Variants in TTN observed in about 807,000 individuals in gnomAD.
The protein encoded by TTN is titin.
Under a neutral mutation model 3,223.0 loss-of-function variants are expected in TTN, and 1,525 were observed. The ratio of observed to expected loss-of-function variants is 0.47; its 90% CI spans 0.45 to 0.49. TTN has a LOEUF of 0.49. Ranked by LOEUF, TTN falls within the 20% of genes least tolerant of loss-of-function variation. The pLI, the probability that TTN is intolerant of heterozygous loss-of-function variation, is 0.00. For missense variants in TTN, 40,786 were observed against 43,424.0 expected (o/e 0.94, Z 5.40); for synonymous variants, 14,094 against 15,161.0 (o/e 0.93, Z 5.17).
chr2:178,699,051 T>C (rs957174742), intron 111 of TTN, 137 bp from the exon 112 acceptor site: 5 of 936,838 alleles, frequency 5.3e-6, no homozygotes, highest in African/African-American at 3.4e-5. Context: ...TGCATATTAC[T>C]ACAAGATATT....
chr2:178,554,411 A>T, intron 332 of TTN, 42 bp downstream of exon 332: 1 of 1,585,050 alleles, frequency 6.3e-7, no homozygotes, highest in Non-Finnish European at 8.6e-7. Context: ...GTTTATTTTT[A>T]AATTTTTCAC....
intron 316 of TTN, chr2:178,580,903 G>A (rs999401176): frequency 2.8e-5 from 8 of 290,112 alleles, no homozygotes; most frequent in Admixed American, 5.2e-5. Context: ...GAAAGTAGAC[G>A]ATTGATTTTT....
In TTN at chr2:178,799,860, G is replaced by A. The variant is rs1554042042; in HGVS notation, c.634C>T (p.Gln212Ter). ...CGGGTTTGTCTTGATTCTGAGATCT[G>A]AGCAGTCGAAACAATTGTCTTTGTC... is the stretch of plus-strand genomic sequence containing the variant. ...KKTKTIVSTA[Q>*]ISESRQTRIE... Residue 212 changes from glutamine (Q) to a stop codon, truncating the protein, a stop_gained, in exon 5 of 363, where the codon CAG (glutamine) becomes TAG (stop). Transcript: ENST00000589042. LOFTEE classifies it high-confidence loss of function. 6.2e-7 allele frequency: 1 copy of A among 1,614,116 alleles called. No homozygotes were observed. The highest frequency in any genetic ancestry group is 1.3e-5 in the African/African-American group (1 of 75,040).
intron 99 of TTN, among the ~76,000 whole-genome samples, chr2:178,708,078 C>G (rs1451268907): frequency 6.6e-6 from 1 of 152,188 alleles, no homozygotes; most frequent in Non-Finnish European, 1.5e-5. Flanking sequence ...CCTTACTAAG[C>G]ACTGCAGACA....
intron 356 of TTN, 38 bp from the exon 357 acceptor site, chr2:178,536,613 A>AC: frequency 6.9e-7 from 1 of 1,451,980 alleles, no homozygotes; most frequent in African/African-American, 1.4e-5. Flanking sequence ...ATGAGATGAA[A>AC]CAGGCAGCTT....
chr2:178,527,194 A>T lies in TTN; in HGVS notation c.107794T>A (p.Cys35932Ser), dbSNP rs557626982. ...GEPTPEVTWS[C>S]GGRKIHSQEQ... ...TGACTGTGGATTTTTCTTCCACCAC[A>T]GGACCATGTTACTTCTGGGGTAGGC... Residue 35932 changes from cysteine (C) to serine (S), a missense_variant, in exon 363 of 363, where the codon TGT becomes AGT. Transcript: ENST00000589042. 6.2e-7 allele frequency: 1 copy of T among 1,614,014 alleles called. No homozygotes were observed. The highest frequency in any genetic ancestry group is 1.1e-5 in the South Asian group (1 of 91,082).
chr2:178,610,926 C>A, intron 270 of TTN, 67 bp downstream of exon 270: 2 of 1,578,500 alleles, frequency 1.3e-6, no homozygotes, highest in South Asian at 2.3e-5. Flanking sequence ...TTATTAATAG[C>A]ACTGCAAAGT....
Position 178,536,140 on chromosome 2 carries a change from A to C in TTN, c.100607T>G (p.Ile33536Ser). 2 of 1,613,598 alleles carry C rather than the reference A, an allele frequency of 1.2e-6. No individual in the cohort carries two copies. Among genetic ancestry groups the C allele is most frequent in the Non-Finnish European group, 1.7e-6 (2 of 1,179,714 alleles). Residue 33536 changes from isoleucine (I) to serine (S), a missense_variant, in exon 357 of 363, where the codon ATC (isoleucine) becomes AGC (serine). Ile to Ser is a moderately radical substitution (Grantham distance 142, BLOSUM62 -2). Coordinates refer to ENST00000589042, the MANE Select transcript of TTN (RefSeq NM_001267550.2). The stretch of plus-strand genomic sequence containing the variant: ...CCTATATTTTAATCCATCTGCAATG[A>C]TTTCTTTGCCTTGTCTGTACCATTT... ...IVKWYRQGKE[I>S]IADGLKYRIQ...
chr2:178,629,470 G>C (rs900134621), intron 239 of TTN, 27 bp from the exon 240 acceptor site: 2 of 1,611,460 alleles, frequency 1.2e-6, no homozygotes, highest in Admixed American at 3.3e-5. Flanking sequence ...AAACAGCTTT[G>C]CGTTACTCAT....
rs775670102 is a variant in TTN at position 178,574,589 on chromosome 2, T to C, written c.71543A>G (p.His23848Arg). Residue 23848 changes from histidine to arginine, a missense_variant, in exon 326 of 363, where the codon CAT (histidine) becomes CGT (arginine). Coordinates refer to ENST00000589042, the MANE Select transcript of TTN (RefSeq NM_001267550.2). ...GCTTCCACCATCAGAAAGTGGCTCA[T>C]GCCAGCTAATTGTCATTGAATCCTT... ...VTKDSMTISWHEPLSDGGSPI... is the reference protein window; with the variant it reads ...VTKDSMTISWREPLSDGGSPI... The C allele has an allele frequency of 1.2e-6, 2 of 1,613,524 alleles. No homozygotes were observed. Among genetic ancestry groups the C allele is most frequent in the South Asian group, 1.1e-5 (1 of 91,058 alleles).
intron 88 of TTN, 65 bp from the exon 89 acceptor site, chr2:178,715,839 G>GT: frequency 6.9e-7 from 1 of 1,449,072 alleles, no homozygotes; most frequent in Non-Finnish European, 9.2e-7. Flanking sequence ...TCAAGATGAG[G>GT]TGGAAAAAAT....
At position 178,567,570 on chromosome 2, in the gene TTN, C is replaced by T. The variant is rs1243285003; in HGVS notation, c.78562G>A (p.Val26188Ile). ...STGPITAKDE[V>I]ELPRISMDPK... Reference sequence around the variant, plus strand: ...TCCATTGAAATTCTTGGGAGTTCAACCTCATCCTTGGCAGTTATTGGTCCA... The same window carrying T: ...TCCATTGAAATTCTTGGGAGTTCAATCTCATCCTTGGCAGTTATTGGTCCA... The change falls in exon 326 of 363, where the codon GTT becomes ATT. Residue 26188 changes from valine (V) to isoleucine (I), a missense_variant. Val to Ile is a conservative substitution (Grantham distance 29). Coordinates refer to ENST00000589042, the MANE Select transcript of TTN (RefSeq NM_001267550.2). 5.0e-6 allele frequency: 8 copies of T among 1,609,414 alleles called. No individual in the cohort carries two copies. Among genetic ancestry groups the T allele is most frequent in the Non-Finnish European group, 6.8e-6 (8 of 1,177,200 alleles).
chr2:178,725,190 G>C, intron 71 of TTN, 178 bp downstream of exon 71: 1 of 640,278 alleles, frequency 1.6e-6, no homozygotes, highest in Non-Finnish European at 2.3e-6. Flanking sequence ...ATTTTTGTTA[G>C]AATCACAGAA....
intron 71 of TTN, 159 bp downstream of exon 71, chr2:178,725,209 G>C (rs1411171446): frequency 2.6e-6 from 2 of 757,850 alleles, no homozygotes; most frequent in Admixed American, 8.0e-5. Context: ...AAACAGAAAA[G>C]AGTGTTTGAA....
Position 178,768,124 on chromosome 2 carries a change from C to T in TTN, c.9195G>A (p.Lys3065=), listed in dbSNP as rs780650145. 14 of 1,614,052 alleles carry T rather than the reference C, an allele frequency of 8.7e-6. No individual in the cohort carries two copies. In the East Asian group the frequency reaches 2.7e-4, roughly 31 times the overall value. ...ARHIEFRKHI[K]DIKVLEKKRA... is the part of the protein sequence containing the mutation. ...GCTTCTTCTCCAGTACCTTAATGTC[C>T]TTAATGTGTTTCCTAAATTCTATAT... Residue 3065 remains lysine, a synonymous_variant, in exon 39 of 363, where the codon AAG becomes AAA. Transcript: ENST00000589042.
rs1324756385 is a variant in TTN at position 178,777,011 on chromosome 2, T to C, written c.4853A>G (p.Asp1618Gly). 2 of 1,613,950 alleles carry C rather than the reference T, an allele frequency of 1.2e-6. No homozygotes were observed. Among genetic ancestry groups the C allele is most frequent in the African/African-American group, 2.7e-5 (2 of 74,926 alleles). Residue 1618 changes from aspartate (D) to glycine (G), a missense_variant, in exon 28 of 363, where the codon GAT becomes GGT. Transcript: ENST00000589042. Reference sequence around the variant, plus strand: ...GGCAGAATCTTGGCTGACAGTGGAATCGATTTTAAGGGCAGCTTCTCCCTT... The same window carrying C: ...GGCAGAATCTTGGCTGACAGTGGAACCGATTTTAAGGGCAGCTTCTCCCTT... ...GTKGEAALKI[D>G]STVSQDSAWY...
At chr2:178,748,681 T>A in intron 47 of TTN, 1 of 1,612,848 alleles carries the variant, frequency 6.2e-7, no homozygotes, top group Non-Finnish European at 8.5e-7. Flanking sequence ...TTAAGTCAAA[T>A]GTAATAGGTG....
chr2:178,574,079 A>C lies in TTN; in HGVS notation c.72053T>G (p.Ile24018Ser). The change falls in exon 326 of 363, where the codon ATC (isoleucine) becomes AGC (serine). Residue 24018 changes from isoleucine to serine, a missense_variant. Physicochemically the swap from Ile to Ser is moderately radical, Grantham distance 142. Coordinates refer to ENST00000589042, the MANE Select transcript of TTN (RefSeq NM_001267550.2). ...ISPPSEPSDA[I>S]TCRDDVEAPK... The stretch of plus-strand genomic sequence containing the variant: ...TGCCTCAACATCATCCCTGCAAGTG[A>C]TAGCATCAGATGGCTCAGATGGTGG... 6.2e-7 allele frequency: 1 copy of C among 1,613,360 alleles called. No homozygotes were observed. Among genetic ancestry groups the C allele is most frequent in the Non-Finnish European group, 8.5e-7 (1 of 1,179,488 alleles).
chr2:178,619,982 A>G lies in TTN; in HGVS notation c.46429+6T>C, dbSNP rs1439807136. The G allele has an allele frequency of 2.5e-6, 4 of 1,607,700 alleles. No homozygotes were observed. Among genetic ancestry groups the G allele is most frequent in the South Asian group, 2.2e-5 (2 of 89,386 alleles). On this transcript the variant is annotated splice_donor_region_variant and intron_variant, in intron 249 of 362. Coordinates refer to ENST00000589042, the MANE Select transcript of TTN (RefSeq NM_001267550.2). ...CATTAGAATTGTTTTTTCACTTAAT[A>G]TGTACCTTCCACAAAAAGTCTAGCA...
Sources: allele counts gnomAD v4.1 joint callset (sites outside exome capture counted in the v4.1 genomes callset), GRCh38; gene constraint gnomAD v4.1.1; transcripts MANE v1.5; gene names NCBI Gene and HGNC (gene_info 2026-07-23, HGNC 2026-07-21).